DMD: variants seen among roughly 807,000 people sequenced by gnomAD.
DMD encodes mutant dystrophin.
In DMD, 63 loss-of-function variants were observed where a neutral mutation model predicts 330.1. That is an observed-to-expected ratio of 0.19 (90% confidence interval 0.16 to 0.24). The LOEUF is 0.24. Ranked by LOEUF, DMD falls within the 10% of genes least tolerant of loss-of-function variation. The pLI, the probability that DMD is intolerant of heterozygous loss-of-function variation, is 1.00. For missense variants in DMD, 3,344 were observed against 2,684.1 expected (o/e 1.25, Z -5.43); for synonymous variants, 1,223 against 959.8 (o/e 1.27, Z -5.07).
At chrX:31,370,615 G>A (rs1015543760) in intron 60 of DMD, among the ~76,000 whole-genome samples, 2 of 112,245 alleles carry the variant, frequency 1.8e-5, no homozygotes, top group Admixed American at 9.4e-5. Context: ...CAGACGCTTC[G>A]GAAAAGTTTG....
At chrX:32,522,604 GAATA>G (rs1451025809) in intron 17 of DMD, among the ~76,000 whole-genome samples, 1 of 111,903 alleles carries the variant, frequency 8.9e-6, no homozygotes, top group East Asian at 2.8e-4. Context: ...ATTTTTCTTA[GAATA>G]AAGAACAAAA....
chrX:31,374,452 G>C (rs1352124806), intron 60 of DMD, among the ~76,000 whole-genome samples: 3 of 110,022 alleles, frequency 2.7e-5, no homozygotes, highest in African/African-American at 1.0e-4. Context: ...GCTGGATTAA[G>C]AAAATGTGGC....
intron 63 of DMD, among the ~76,000 whole-genome samples, chrX:31,252,757 T>C (rs941664239): frequency 4.5e-5 from 5 of 112,313 alleles, no homozygotes. Context: ...CTCACGCCTG[T>C]AATCTCAGCA....
At chrX:32,980,404 G>T (rs2092679226) in intron 2 of DMD, among the ~76,000 whole-genome samples, 1 of 103,116 alleles carries the variant, frequency 9.7e-6, no homozygotes. Context: ...GGAGTAAAAT[G>T]GAGTACAGGG....
intron 45 of DMD, among the ~76,000 whole-genome samples, chrX:31,956,538 T>A (rs55810964): frequency 9.1e-6 from 1 of 110,335 alleles, no homozygotes. Context: ...TCAGATAAGA[T>A]TAGTGACTTG....
rs1373828966 is a variant in DMD at position 33,124,496 on chromosome X, A to AC, written c.31+86785_31+86786insG. 3.8e-3 allele frequency among the ~76,000 whole-genome samples: 399 copies of AC among 105,001 alleles called. 5 individuals are homozygous for AC. The highest frequency in any genetic ancestry group is 0.014 in the African/African-American group (384 of 28,174). 91.2% of individuals were successfully genotyped at this position (105,001 alleles called of 115,157 possible). A position where few individuals can be genotyped will look rare whatever the true frequency, so the allele number is the denominator to read the frequency against. On this transcript the variant is annotated intron_variant, in intron 1 of 78. Coordinates refer to ENST00000357033, the MANE Select transcript of DMD (RefSeq NM_004006.3). The stretch of plus-strand genomic sequence containing the variant: ...TGTCTGAAAAAAAAAAAAAAAAAAA[A>AC]AAAAAAAAAAAAAACCGAAAGAAAT...
At chrX:32,694,210 G>A (rs377181303) in intron 9 of DMD, among the ~76,000 whole-genome samples, 2 of 110,849 alleles carry the variant, frequency 1.8e-5, no homozygotes. Flanking sequence ...TACATCTAGA[G>A]ATCTCATCTG....
intron 44 of DMD, among the ~76,000 whole-genome samples, chrX:32,005,148 A>T (rs762093084): frequency 2.7e-5 from 3 of 111,981 alleles, no homozygotes; most frequent in Non-Finnish European, 5.7e-5. Context: ...CTGTAAAGAG[A>T]AGATTCCACC....
At chrX:32,392,504 C>T (rs763592890) in intron 30 of DMD, among the ~76,000 whole-genome samples, 6 of 110,890 alleles carry the variant, frequency 5.4e-5, no homozygotes, top group Non-Finnish European at 9.4e-5. Context: ...AGGTGATCCA[C>T]CTGCCTCGGC....
intron 5 of DMD, among the ~76,000 whole-genome samples, chrX:32,820,803 A>G (rs1346514610): frequency 8.9e-6 from 1 of 112,171 alleles, no homozygotes; most frequent in African/African-American, 3.2e-5. Flanking sequence ...TAGCGATTTT[A>G]CAGAGTACCA....
rs751061243 is a variant in DMD, at chrX:33,283,623, G to A, written c.7+55636C>T. Among the ~76,000 whole-genome samples, 261 of 110,590 alleles carry A rather than the reference G, an allele frequency of 2.4e-3. 2 individuals carry two copies. The highest frequency in any genetic ancestry group is 3.4e-3 in the Non-Finnish European group (179 of 52,951). On this transcript the variant is annotated intron_variant, in intron 1 of 17. Transcript: ENST00000288447. ...CATTGTATATTTAGTATTTATTTAA[G>A]CAACCTAACTAAAAATAGTGCCGAC... is the stretch of plus-strand genomic sequence containing the variant.
At chrX:32,356,389 A>G (rs1429538212) in intron 37 of DMD, among the ~76,000 whole-genome samples, 1 of 107,243 alleles carries the variant, frequency 9.3e-6, no homozygotes, top group Non-Finnish European at 1.9e-5. Context: ...TAAAAAAAAA[A>G]AAAAAAAAAA....
intron 2 of DMD, among the ~76,000 whole-genome samples, chrX:32,883,345 C>T (rs1181184213): frequency 8.1e-5 from 9 of 111,358 alleles, no homozygotes. Flanking sequence ...TTTTCTATTA[C>T]TCTCATTTCT....
chrX:32,533,164 A>T (rs1255187891), intron 17 of DMD, among the ~76,000 whole-genome samples: 1 of 111,322 alleles, frequency 9.0e-6, no homozygotes, highest in Non-Finnish European at 1.9e-5. Context: ...CCAACTCTCA[A>T]GTGAGATCAA....
intron 76 of DMD, among the ~76,000 whole-genome samples, chrX:31,142,705 T>A (rs2147880817): frequency 8.9e-6 from 1 of 112,427 alleles, no homozygotes; most frequent in East Asian, 2.8e-4. Flanking sequence ...TCATCAGAGA[T>A]AAGGAGTTGT....
At chrX:31,715,475 G>A (rs951736383) in intron 52 of DMD, among the ~76,000 whole-genome samples, 1 of 101,288 alleles carries the variant, frequency 9.9e-6, no homozygotes, top group Non-Finnish European at 2.0e-5. Context: ...CCCGGGAGGC[G>A]GAGCTTGCAG....
rs1225610862 is a variant in DMD, at chrX:32,520,746, C to T, written c.2169-2615G>A. On this transcript the variant is annotated intron_variant, in intron 17 of 78. Coordinates refer to ENST00000357033, the MANE Select transcript of DMD (RefSeq NM_004006.3). ...TTCCTGGGATCACTTTCCAAATAAA[C>T]TGCTTGCACCTAAATCCTTCTCTTC... Among the ~76,000 whole-genome samples, 4 of 111,493 alleles carry T rather than the reference C, an allele frequency of 3.6e-5. No homozygotes were observed. In the East Asian group the frequency reaches 1.1e-3, roughly 31 times the overall value.
chrX:31,522,363 C>CTCTCTATATATATATATATATATA, intron 55 of DMD, among the ~76,000 whole-genome samples: 9 of 35,960 alleles, frequency 2.5e-4, no homozygotes, highest in Admixed American at 4.2e-4. Flanking sequence ...CTCTCTCTCT[C>CTCTCTATATATATATATATATATA]TATATATATA....
chrX:33,176,583 T>TGC (rs776270210), intron 1 of DMD, among the ~76,000 whole-genome samples: 90 of 109,719 alleles, frequency 8.2e-4, no homozygotes, highest in South Asian at 3.4e-3. Flanking sequence ...TGTGTGTGTG[T>TGC]GCGCTCATGT....
Sources: gnomAD v4.1 joint callset for allele counts (sites outside exome capture counted in the v4.1 genomes callset) on GRCh38, gnomAD v4.1.1 for gene constraint, MANE v1.5 for transcripts, NCBI Gene and HGNC (gene_info 2026-07-23, HGNC 2026-07-21) for gene names.